ADAMTS13: variants seen among roughly 807,000 people sequenced by gnomAD.
ADAMTS13 encodes the protein A disintegrin and metalloproteinase with thrombospondin motifs 13.
Under a neutral mutation model 155.1 loss-of-function variants are expected in ADAMTS13, and 110 were observed. That is an observed-to-expected ratio of 0.71 (90% CI 0.61 to 0.83). The LOEUF is 0.83. Among genes scored for constraint, ADAMTS13 ranks in the 40% least tolerant of loss-of-function variants. The pLI is 0.00. For missense variants in ADAMTS13, 1,707 were observed against 1,891.7 expected, an observed-to-expected ratio of 0.90 and a Z score of 1.81; for synonymous variants, 758 against 756.4, an observed-to-expected ratio of 1.00 and a Z score of -0.03.
Position 133,432,689 on chromosome 9 carries a change from G to A in ADAMTS13, c.1089G>A (p.Glu363=). 6.4e-7 allele frequency: 1 copy of A among 1,555,410 alleles called. No individual in the cohort carries two copies. The highest frequency in any genetic ancestry group is 1.9e-5 in the Admixed American group (1 of 51,546). Residue 363 remains glutamate, a synonymous_variant, in exon 9 of 29, where the codon GAG becomes GAA. Transcript: ENST00000355699. ...TGGATGGGACAGAATGTGGCGTGGA[G>A]AAGGTCAGAGCCAAGAGTGAATGAG... ...PLLDGTECGV[E]KWCSKGRCRS...
chr9:133,439,803 G>A (rs1554790161), intron 15 of ADAMTS13, among the ~76,000 whole-genome samples: 1 of 152,242 alleles, frequency 6.6e-6, no homozygotes, highest in Non-Finnish European at 1.5e-5. Context: ...AGTGGGAGTT[G>A]AGAGTTTTTC....
intron 1 of ADAMTS13, 72 bp from the exon 2 acceptor site, chr9:133,423,029 G>T: frequency 7.2e-7 from 1 of 1,384,820 alleles, no homozygotes; most frequent in South Asian, 1.2e-5. Flanking sequence ...TCCCACCTCG[G>T]TCTCCCCAAG....
Position 133,422,506 on chromosome 9 carries a change from T to A in ADAMTS13, c.63T>A (p.Cys21Ter). 1 of 1,614,142 alleles carries A rather than the reference T, an allele frequency of 6.2e-7. No individual in the cohort carries two copies. The highest frequency in any genetic ancestry group is 8.5e-7 in the Non-Finnish European group (1 of 1,180,026). Reference sequence around the variant, plus strand: ...TCTGTGTGGCCGGAATCCTTGCCTGTGGCTTTCTCCTGGGCTGCTGGGGAC... The same window carrying A: ...TCTGTGTGGCCGGAATCCTTGCCTGAGGCTTTCTCCTGGGCTGCTGGGGAC... ...PPLCVAGILACGFLLGCWGPS... is the reference protein window; with the variant it reads ...PPLCVAGILA The change falls in exon 1 of 29, where the codon TGT (cysteine) becomes TGA (stop). Residue 21 changes from cysteine (C) to a stop codon, truncating the protein, a stop_gained. Coordinates refer to ENST00000355699, the MANE Select transcript of ADAMTS13 (RefSeq NM_139027.6). LOFTEE classifies it high-confidence loss of function.
chr9:133,422,290 G>T, upstream of ADAMTS13: 1 of 735,500 alleles, frequency 1.4e-6, no homozygotes, highest in South Asian at 1.6e-5. Flanking sequence ...CCCTAGCCAC[G>T]GCCCCTGCCC....
rs1840260634 is a variant in ADAMTS13 at position 133,426,080 on chromosome 9, T to G, written c.539+18T>G. On this transcript the variant is annotated intron_variant, in intron 5 of 28. Coordinates refer to ENST00000355699, the MANE Select transcript of ADAMTS13 (RefSeq NM_139027.6). ...ATCACTAGGTAGCCGAGCTTTCTGATGGGTGCTGGCCAGCCAGCCTGGGAA... is the reference window on the plus strand; with the variant it reads ...ATCACTAGGTAGCCGAGCTTTCTGAGGGGTGCTGGCCAGCCAGCCTGGGAA... 1 of 1,613,886 alleles carries G rather than the reference T, an allele frequency of 6.2e-7. No homozygotes were observed. The highest frequency in any genetic ancestry group is 1.3e-5 in the African/African-American group (1 of 74,944).
intron 27 of ADAMTS13, among the ~76,000 whole-genome samples, chr9:133,457,334 T>G (rs1842805989): frequency 1.3e-5 from 2 of 152,220 alleles, no homozygotes; most frequent in Non-Finnish European, 2.9e-5. Flanking sequence ...CAACAGGGGC[T>G]TAGCCTCTGC....
In ADAMTS13 at chr9:133,449,904, T is replaced by C; in HGVS notation, c.2983T>C (p.Cys995Arg). 1 of 1,613,362 alleles carries C rather than the reference T, an allele frequency of 6.2e-7. No individual in the cohort carries two copies. The highest frequency in any genetic ancestry group is 8.5e-7 in the Non-Finnish European group (1 of 1,179,922). ...TGAGGAGATCCTGTTGGACACCCAG[T>C]GCCAGGGGCTGCCTCGCCCGGAACC... is the stretch of plus-strand genomic sequence containing the variant. ...DGEEILLDTQ[C>R]QGLPRPEPQE... Residue 995 changes from cysteine to arginine, a missense_variant, in exon 23 of 29, where the codon TGC becomes CGC. Cys to Arg is a radical substitution (Grantham distance 180). Transcript: ENST00000355699.
At position 133,436,827 on chromosome 9, in the gene ADAMTS13, A is replaced by T; in HGVS notation, c.1309-2A>T. 1.5e-6 allele frequency: 2 copies of T among 1,359,174 alleles called. No individual in the cohort carries two copies. The highest frequency in any genetic ancestry group is 1.9e-6 in the Non-Finnish European group (2 of 1,032,820). 84.2% of individuals were successfully genotyped at this position (1,359,174 alleles called of 1,614,324 possible). ...CCCCCTCCTCTGCCTCCTCCTGGCC[A>T]GGCCTGCGAGAAGACCCAGCTGGAG... On this transcript the variant is annotated splice_acceptor_variant, in intron 11 of 28. Transcript: ENST00000355699. LOFTEE classifies it high-confidence loss of function.
rs1841965143 is a variant in ADAMTS13 at position 133,445,060 on chromosome 9, C to G, written c.2610+8C>G. On this transcript the variant is annotated splice_region_variant and intron_variant, in intron 20 of 28. Coordinates refer to ENST00000355699, the MANE Select transcript of ADAMTS13 (RefSeq NM_139027.6). The surrounding 1 kb of genome is among the most constrained non-coding windows in gnomAD (Gnocchi z 5.0). Reference sequence around the variant, plus strand: ...CCTCCAGGCTGGGGCCATGTGAGTGCCCTGGGCATGAGGGTGGCTGGGGCT... The same window carrying G: ...CCTCCAGGCTGGGGCCATGTGAGTGGCCTGGGCATGAGGGTGGCTGGGGCT... The G allele has an allele frequency of 6.2e-7, 1 of 1,611,646 alleles. No individual in the cohort carries two copies. Among genetic ancestry groups the G allele is most frequent in the Non-Finnish European group, 8.5e-7 (1 of 1,179,682 alleles).
chr9:133,416,912 G>GT (rs1554781694), intron 1 of ADAMTS13, among the ~76,000 whole-genome samples: 1 of 152,212 alleles, frequency 6.6e-6, no homozygotes, highest in African/African-American at 2.4e-5. Flanking sequence ...CTTCAAGACC[G>GT]TAAGTGTCGC....
chr9:133,422,463 G>A lies in ADAMTS13; in HGVS notation c.20G>A (p.Arg7Gln), dbSNP rs782744929. 23 of 1,613,762 alleles carry A rather than the reference G, an allele frequency of 1.4e-5. No individual in the cohort carries two copies. Among genetic ancestry groups the A allele is most frequent in the South Asian group, 1.1e-4 (10 of 91,084 alleles). Residue 7 changes from arginine to glutamine, a missense_variant, in exon 1 of 29, where the codon CGG becomes CAG. By Grantham distance (43) the Arg-to-Gln change is conservative. This residue lies in a region of ADAMTS13 where 733 missense variants were observed against 749.6 expected (regional missense o/e 0.98). Coordinates refer to ENST00000355699, the MANE Select transcript of ADAMTS13 (RefSeq NM_139027.6). ...CTGAGGATGCACCAGCGTCACCCCC[G>A]GGCAAGATGCCCTCCCCTCTGTGTG... MHQRHP[R>Q]ARCPPLCVAG...
rs781876906 is a variant in ADAMTS13 at position 133,439,490 on chromosome 9, A to T, written c.1786+44A>T. ...TCCCACCCAGTTAGCTAGACTGCAA[A>T]GGTGCAGAGCACTGTTGCCAAGATG... On this transcript the variant is annotated intron_variant, in intron 15 of 28. Transcript: ENST00000355699. 4.6e-6 allele frequency: 7 copies of T among 1,524,306 alleles called. No homozygotes were observed. The South Asian group carries it at 7.8e-5, about 17-fold the overall frequency. 94.4% of individuals were successfully genotyped at this position (1,524,306 alleles called of 1,614,324 possible).
At chr9:133,439,071 C>G (rs1405344601) in intron 14 of ADAMTS13, among the ~76,000 whole-genome samples, 1 of 152,142 alleles carries the variant, frequency 6.6e-6, no homozygotes, top group Non-Finnish European at 1.5e-5. Flanking sequence ...GGTCAAAAAC[C>G]ATTTGCAAAT....
Position 133,424,283 on chromosome 9 carries a change from T to C in ADAMTS13, c.173-38T>C. 2 of 1,608,122 alleles carry C rather than the reference T, an allele frequency of 1.2e-6. No homozygotes were observed. Among genetic ancestry groups the C allele is most frequent in the Non-Finnish European group, 1.7e-6 (2 of 1,179,778 alleles). On this transcript the variant is annotated intron_variant, in intron 2 of 28. Coordinates refer to ENST00000355699, the MANE Select transcript of ADAMTS13 (RefSeq NM_139027.6). This position sits in a 1 kb window ranked among gnomAD's most constrained non-coding sequence, Gnocchi z 4.3. ...TGTTAGCTTTCCACTGCTTGCTCTCTAGAACCATCGCCCTCTGCTCTCCCT... is the reference window on the plus strand; with the variant it reads ...TGTTAGCTTTCCACTGCTTGCTCTCCAGAACCATCGCCCTCTGCTCTCCCT...
At chr9:133,429,428 A>C (rs1468592268) in intron 7 of ADAMTS13, among the ~76,000 whole-genome samples, 28 of 59,494 alleles carry the variant, frequency 4.7e-4, no homozygotes, top group South Asian at 6.8e-4. Flanking sequence ...GCCTACACCC[A>C]CCCCTGCATC....
At position 133,459,162 on chromosome 9, in the gene ADAMTS13, G is replaced by A; in HGVS notation, c.4098G>A (p.Lys1366=). ...VPEMQDPQSW[K]GKEGT Reference sequence around the variant, plus strand: ...AGATGCAGGACCCTCAGTCCTGGAAGGGAAAGGAAGGAACCTGAGGGTCAT... The same window carrying A: ...AGATGCAGGACCCTCAGTCCTGGAAAGGAAAGGAAGGAACCTGAGGGTCAT... Residue 1366 remains lysine (K), a synonymous_variant, in exon 29 of 29, where the codon AAG becomes AAA. Transcript: ENST00000355699. 5 of 1,611,222 alleles carry A rather than the reference G, an allele frequency of 3.1e-6. No homozygotes were observed. The highest frequency in any genetic ancestry group is 4.2e-6 in the Non-Finnish European group (5 of 1,179,106).
chr9:133,426,009 C>T lies in ADAMTS13; in HGVS notation c.486C>T (p.Asn162=), dbSNP rs1360550783. ...TCTGTGGGTGGAGCCAGACCATCAA[C>T]CCTGAGGACGACACGGATCCTGGCC... ...LSVCGWSQTI[N]PEDDTDPGHA... Residue 162 remains asparagine (N), a synonymous_variant, in exon 5 of 29, where the codon AAC becomes AAT. Transcript: ENST00000355699. 3.1e-6 allele frequency: 5 copies of T among 1,613,938 alleles called. No individual in the cohort carries two copies. The highest frequency in any genetic ancestry group is 4.2e-6 in the Non-Finnish European group (5 of 1,180,040).
intron 25 of ADAMTS13, 95 bp from the exon 26 acceptor site, chr9:133,455,973 TA>T: frequency 6.5e-7 from 1 of 1,546,324 alleles, no homozygotes; most frequent in South Asian, 1.1e-5. Flanking sequence ...GGTCCACCCC[TA>T]CCTCCTGGTC....
chr9:133,414,683 G>A, intron 1 of ADAMTS13: 1 of 1,613,892 alleles, frequency 6.2e-7, no homozygotes, highest in South Asian at 1.1e-5. Flanking sequence ...TGGGGCTGGG[G>A]CTGCCTCCTT....
Sources: allele counts gnomAD v4.1 joint callset (sites outside exome capture counted in the v4.1 genomes callset), GRCh38; gene constraint gnomAD v4.1.1; regional missense constraint gnomAD v4.1.1; non-coding constraint Gnocchi (gnomAD v3.1); transcripts MANE v1.5; gene names NCBI Gene and HGNC (gene_info 2026-07-23, HGNC 2026-07-21).